The following HPD variants were observed in gnomAD, a reference collection of about 807,000 sequenced individuals.
The protein encoded by HPD is 4-hydroxyphenylpyruvate dioxygenase.
A neutral mutation model predicts 56.9 loss-of-function variants in HPD; 35 were observed. That is an observed-to-expected ratio of 0.62 (90% CI 0.47 to 0.82). The LOEUF (loss-of-function observed/expected upper bound fraction) is 0.82. HPD is among the 40% of genes least tolerant of loss of function. HPD has a pLI of 0.00. For synonymous variants in HPD, 186 were observed against 200.2 expected (o/e 0.93, Z 0.60); for missense variants, 442 against 506.8 (o/e 0.87, Z 1.23).
Position 121,849,777 on chromosome 12 carries a change from G to A in HPD, c.428C>T (p.Thr143Ile), listed in dbSNP as rs760632483. 6.2e-7 allele frequency: 1 copy of A among 1,613,242 alleles called. No individual in the cohort carries two copies. Among genetic ancestry groups the A allele is most frequent in the South Asian group, 1.1e-5 (1 of 91,054 alleles). Residue 143 changes from threonine (T) to isoleucine (I), a missense_variant, in exon 8 of 14, where the codon ACA (threonine) becomes ATA (isoleucine). By Grantham distance (89) the Thr-to-Ile change is moderately conservative (BLOSUM62 -1). Coordinates refer to ENST00000289004, the MANE Select transcript of HPD (RefSeq NM_002150.3). The stretch of plus-strand genomic sequence containing the variant: ...GTTCATCTTCTCCACCAGGGTGTGT[G>A]TGGTGTCCCCATACTACGGGTGGAA... ...FAVLQTYGDT[T>I]HTLVEKMNYI...
At chr12:121,867,933 A>G (rs1878368209), upstream of HPD, among the ~76,000 whole-genome samples, 1 of 152,030 alleles carries the variant, frequency 6.6e-6, no homozygotes, top group South Asian at 2.1e-4. Context: ...GCCTCCCAAT[A>G]TGTTGGCATT....
chr12:121,849,305 T>C (rs567759096), intron 8 of HPD, among the ~76,000 whole-genome samples: 6 of 152,108 alleles, frequency 3.9e-5, no homozygotes, highest in African/African-American at 1.4e-4. Context: ...GCTGGGATTA[T>C]AGGTATGAGC....
the HPD span, among the ~76,000 whole-genome samples, chr12:121,873,279 C>A: frequency 6.6e-6 from 1 of 152,198 alleles, no homozygotes; most frequent in African/African-American, 2.4e-5. Flanking sequence ...TGGCTGTCAC[C>A]TCCTATCGGA....
intron 1 of HPD, 30 bp from the exon 2 acceptor site, chr12:121,858,743 T>C (rs764785542): frequency 1.9e-5 from 30 of 1,614,004 alleles, no homozygotes; most frequent in Non-Finnish European, 2.5e-5. Context: ...CAGTGAGACT[T>C]GGAGGTTCCA....
chr12:121,854,437 C>A (rs1326182787), intron 7 of HPD, among the ~76,000 whole-genome samples: 2 of 152,092 alleles, frequency 1.3e-5, no homozygotes, highest in Non-Finnish European at 2.9e-5. Context: ...GTCCCCAGAC[C>A]CCATCCTTCT....
the HPD span, among the ~76,000 whole-genome samples, chr12:121,880,903 C>T: frequency 6.6e-6 from 1 of 152,140 alleles, no homozygotes; most frequent in Non-Finnish European, 1.5e-5. Flanking sequence ...CAAGCAATCC[C>T]CCCACATCAG....
chr12:121,879,264 G>T, the HPD span, among the ~76,000 whole-genome samples: 1 of 150,752 alleles, frequency 6.6e-6, no homozygotes, highest in East Asian at 1.9e-4. Context: ...GCAACAAGAG[G>T]GAAAATCTGT....
the HPD span, among the ~76,000 whole-genome samples, chr12:121,877,004 G>C: frequency 6.6e-6 from 1 of 150,654 alleles, no homozygotes; most frequent in Non-Finnish European, 1.5e-5. Context: ...TGAGGCAGGA[G>C]AATTGCTTGA....
At position 121,845,110 on chromosome 12, in the gene HPD, C is replaced by T. The variant is rs192805067; in HGVS notation, c.832-1278G>A. On this transcript the variant is annotated intron_variant, in intron 11 of 13. Coordinates refer to ENST00000289004, the MANE Select transcript of HPD (RefSeq NM_002150.3). ...AAAAAGAAGGATATATATATATATA[C>T]ACACACATATATATATTTGAGAGAC... Among the ~76,000 whole-genome samples the T allele has an allele frequency of 2.8e-3, 413 of 147,814 alleles. 30 individuals are homozygous for T. The highest frequency in any genetic ancestry group is 9.9e-3 in the African/African-American group (376 of 38,010).
the HPD span, among the ~76,000 whole-genome samples, chr12:121,873,881 G>C: frequency 6.6e-6 from 1 of 152,154 alleles, no homozygotes; most frequent in Non-Finnish European, 1.5e-5. Context: ...CGCTTTGGGA[G>C]GCAGAGGCAG....
intron 12 of HPD, among the ~76,000 whole-genome samples, chr12:121,841,925 C>T (rs1341053371): frequency 2.0e-5 from 3 of 152,004 alleles, no homozygotes; most frequent in African/African-American, 2.4e-5. Context: ...CCTCATGATC[C>T]GCCCACCTCA....
intron 7 of HPD, among the ~76,000 whole-genome samples, chr12:121,853,386 T>C (rs1392875926): frequency 2.0e-5 from 3 of 152,098 alleles, no homozygotes; most frequent in Middle Eastern, 3.4e-3. Context: ...CCCAGCACTT[T>C]GGGAGGCTGA....
the HPD span, among the ~76,000 whole-genome samples, chr12:121,879,268 A>T: frequency 6.6e-6 from 1 of 152,116 alleles, no homozygotes; most frequent in Non-Finnish European, 1.5e-5. Context: ...CAAGAGGGAA[A>T]ATCTGTCTAA....
At chr12:121,850,691 C>T (rs1023023151) in intron 7 of HPD, among the ~76,000 whole-genome samples, 9 of 124,728 alleles carry the variant, frequency 7.2e-5, no homozygotes, top group African/African-American at 2.0e-4. Context: ...CTGTACCTAG[C>T]CTTTTTTTTT....
At chr12:121,849,862 C>A (rs143093488) in intron 7 of HPD, 72 bp from the exon 8 acceptor site, 34 of 1,001,002 alleles carry the variant, frequency 3.4e-5, no homozygotes, top group Admixed American at 1.9e-4. Flanking sequence ...CATTTCATAG[C>A]GCTAACGTAG....
chr12:121,850,086 G>A (rs1281910005), intron 7 of HPD: 1 of 409,798 alleles, frequency 2.4e-6, no homozygotes, highest in African/African-American at 2.1e-5. Flanking sequence ...TATTTCAGTA[G>A]GTCAACTAGA....
chr12:121,840,350 G>C (rs192117338), intron 12 of HPD, among the ~76,000 whole-genome samples: 1 of 152,238 alleles, frequency 6.6e-6, no homozygotes. Context: ...ACCCAGGCTG[G>C]AGTGCGGTGG....
At chr12:121,846,957 C>T in intron 10 of HPD, 24 bp from the exon 11 acceptor site, 4 of 1,613,510 alleles carry the variant, frequency 2.5e-6, no homozygotes, top group Non-Finnish European at 3.4e-6. Context: ...ACAAGGAGAC[C>T]ACTGTCATTT....
At chr12:121,869,566 C>CT in the HPD span, among the ~76,000 whole-genome samples, 333 of 145,518 alleles carry the variant, frequency 2.3e-3, 2 homozygotes, top group Non-Finnish European at 2.2e-3. Context: ...TAGGTTTTCA[C>CT]TTTTTTTTTT....
Sources: allele counts gnomAD v4.1 joint callset (sites outside exome capture counted in the v4.1 genomes callset), GRCh38; gene constraint gnomAD v4.1.1; transcripts MANE v1.5; gene names NCBI Gene and HGNC (gene_info 2026-07-23, HGNC 2026-07-21).